Variants in ABCA13 observed in about 807,000 individuals in gnomAD.
The protein encoded by ABCA13 is ATP binding cassette subfamily A member 13.
A neutral mutation model predicts 478.7 loss-of-function variants in ABCA13; 476 were observed. The ratio of observed to expected loss-of-function variants is 0.99; its 90% CI spans 0.92 to 1.07. The LOEUF (loss-of-function observed/expected upper bound fraction) is 1.07. Ranked by LOEUF, ABCA13 falls within the 50% of genes least tolerant of loss-of-function variation. The probability of loss-of-function intolerance (pLI) is 0.00; values close to 1 mark genes in which losing one functional copy is unlikely to be tolerated. For missense variants in ABCA13, 6,060 were observed against 5,910.6 expected, an observed-to-expected ratio of 1.03 and a Z score of -0.83; for synonymous variants, 2,252 against 2,158.9, an observed-to-expected ratio of 1.04 and a Z score of -1.20.
intron 49 of ABCA13, among the ~76,000 whole-genome samples, chr7:48,506,859 C>T (rs1269925805): frequency 6.6e-6 from 1 of 152,154 alleles, no homozygotes; most frequent in Non-Finnish European, 1.5e-5. Flanking sequence ...TTCTCACTGT[C>T]TTTGTAAAGG....
chr7:48,330,846 G>A (rs530576556), intron 27 of ABCA13, among the ~76,000 whole-genome samples: 34 of 152,156 alleles, frequency 2.2e-4, no homozygotes, highest in African/African-American at 7.9e-4. Flanking sequence ...TCCAAGATGG[G>A]GAGAAAGCAG....
At chr7:48,231,951 T>G (rs1356966140) in intron 7 of ABCA13, among the ~76,000 whole-genome samples, 1 of 152,010 alleles carries the variant, frequency 6.6e-6, no homozygotes, top group Non-Finnish European at 1.5e-5. Flanking sequence ...CGTGAGCCAC[T>G]GCGCCCAACC....
chr7:48,444,765 G>A (rs1371190699), intron 42 of ABCA13, among the ~76,000 whole-genome samples: 2 of 152,024 alleles, frequency 1.3e-5, no homozygotes, highest in Non-Finnish European at 2.9e-5. Flanking sequence ...CCATTCTAAC[G>A]CATCCCAGGT....
chr7:48,314,234 T>G lies in ABCA13; in HGVS notation c.9684T>G (p.Val3228=). The change falls in exon 26 of 62, where the codon GTT becomes GTG. Residue 3228 remains valine (V), a splice_region_variant and synonymous_variant. Transcript: ENST00000435803. ...ALLETLDFQQ[V]SQNVQARSSA... Reference sequence around the variant, plus strand: ...ATTTAGTTTTCTTATTTTCTCAGGTTTCACAAAATGTCCAGGCCAGAAGTT... The same window carrying G: ...ATTTAGTTTTCTTATTTTCTCAGGTGTCACAAAATGTCCAGGCCAGAAGTT... 2 of 1,606,828 alleles carry G rather than the reference T, an allele frequency of 1.2e-6. No individual in the cohort carries two copies. Among genetic ancestry groups the G allele is most frequent in the Middle Eastern group, 1.7e-4 (1 of 6,042 alleles).
At chr7:48,595,513 T>G (rs73094682) in intron 58 of ABCA13, among the ~76,000 whole-genome samples, 2,907 of 152,340 alleles carry the variant, frequency 0.019, 42 homozygotes, top group Middle Eastern at 0.085. Context: ...TTTGCCCTTT[T>G]GCAAGCTAAC....
At chr7:48,232,368 TACA>T (rs988630244) in intron 7 of ABCA13, among the ~76,000 whole-genome samples, 3 of 151,954 alleles carry the variant, frequency 2.0e-5, no homozygotes, top group South Asian at 2.1e-4. Flanking sequence ...TCATCCAAAT[TACA>T]ACAACAAATT....
rs35914499 is a variant in ABCA13 at position 48,278,176 on chromosome 7, A to AT, written c.6988dup (p.Ser2330PhefsTer25). ...GATGATACAAGACAGATTGATGAAC[A>AT]TTTTTTCAAGTTTAAAGGAGACTAT... On this transcript the variant is annotated frameshift_variant, in exon 18 of 62. Coordinates refer to ENST00000435803, the MANE Select transcript of ABCA13 (RefSeq NM_152701.5). LOFTEE classifies it high-confidence loss of function. 3.9e-5 allele frequency: 61 copies of AT among 1,564,940 alleles called. No homozygotes were observed. The highest frequency in any genetic ancestry group is 5.2e-5 in the Non-Finnish European group (60 of 1,154,362).
rs768904595 is a variant in ABCA13, at chr7:48,387,841, A to G, written c.11355A>G (p.Lys3785=). The G allele has an allele frequency of 1.3e-6, 2 of 1,587,294 alleles. No individual in the cohort carries two copies. The highest frequency in any genetic ancestry group is 2.7e-5 in the African/African-American group (2 of 73,314). The part of the protein sequence containing the change: ...NLIPGTFGLR[K]PWYFPFTASY... ...TTTTAGGAACATTTGGTTTACGGAAACCATGGTATTTCCCCTTTACTGCCT... is the reference window on the plus strand; with the variant it reads ...TTTTAGGAACATTTGGTTTACGGAAGCCATGGTATTTCCCCTTTACTGCCT... Residue 3785 remains lysine, a synonymous_variant, in exon 36 of 62, where the codon AAA becomes AAG. Transcript: ENST00000435803.
intron 42 of ABCA13, among the ~76,000 whole-genome samples, chr7:48,445,752 A>G (rs1824210171): frequency 6.6e-6 from 1 of 152,108 alleles, no homozygotes. Context: ...TGCCCAGTGA[A>G]AGAATGCAAA....
intron 59 of ABCA13, among the ~76,000 whole-genome samples, chr7:48,636,572 C>T (rs926050812): frequency 1.3e-5 from 2 of 152,206 alleles, no homozygotes; most frequent in African/African-American, 4.8e-5. Flanking sequence ...GTTTTTGAGC[C>T]TGTGCAGTCC....
chr7:48,604,564 G>A (rs1791267208), intron 58 of ABCA13, among the ~76,000 whole-genome samples: 1 of 152,296 alleles, frequency 6.6e-6, no homozygotes, highest in South Asian at 2.1e-4. Flanking sequence ...TTAATCCTGA[G>A]TTCTAATTTG....
intron 33 of ABCA13, among the ~76,000 whole-genome samples, chr7:48,373,931 A>T (rs1813052322): frequency 6.6e-6 from 1 of 152,190 alleles, no homozygotes; most frequent in Non-Finnish European, 1.5e-5. Context: ...TTTCTTCAAT[A>T]CACCTTCTTT....
At chr7:48,419,110 A>G (rs967455420) in intron 41 of ABCA13, among the ~76,000 whole-genome samples, 4 of 152,120 alleles carry the variant, frequency 2.6e-5, no homozygotes, top group African/African-American at 7.2e-5. Context: ...CTCACTCGCT[A>G]TACACTACCA....
chr7:48,323,192 C>T (rs375774721), intron 27 of ABCA13, among the ~76,000 whole-genome samples: 5 of 152,154 alleles, frequency 3.3e-5, no homozygotes, highest in Admixed American at 1.3e-4. Context: ...GACTTACAGG[C>T]GTACTTGTTT....
intron 27 of ABCA13, among the ~76,000 whole-genome samples, chr7:48,322,197 C>G (rs137999573): frequency 6.6e-6 from 1 of 152,252 alleles, no homozygotes; most frequent in African/African-American, 2.4e-5. Context: ...AGAGCAGGTC[C>G]CATAAAATGG....
chr7:48,576,173 A>G (rs1788158101), intron 55 of ABCA13, among the ~76,000 whole-genome samples: 1 of 152,152 alleles, frequency 6.6e-6, no homozygotes, highest in South Asian at 2.1e-4. Flanking sequence ...GATTTTTAGT[A>G]TCCAAAGGGA....
At chr7:48,234,355 T>A in intron 8 of ABCA13, 2 of 641,678 alleles carry the variant, frequency 3.1e-6, no homozygotes, top group Non-Finnish European at 5.5e-6. Context: ...ACCATGTAGT[T>A]TTATCCCAGA....
chr7:48,249,552 T>C (rs1311599020), intron 15 of ABCA13, among the ~76,000 whole-genome samples: 2 of 152,208 alleles, frequency 1.3e-5, no homozygotes, highest in Non-Finnish European at 2.9e-5. Context: ...CTGGTTTGAC[T>C]GAGCTACATT....
At chr7:48,494,143 A>G (rs1830069540) in intron 48 of ABCA13, among the ~76,000 whole-genome samples, 1 of 152,282 alleles carries the variant, frequency 6.6e-6, no homozygotes, top group African/African-American at 2.4e-5. Context: ...GTATGCTGCA[A>G]ACCCCAGGGA....
Sources: allele counts gnomAD v4.1 joint callset (sites outside exome capture counted in the v4.1 genomes callset), GRCh38; gene constraint gnomAD v4.1.1; transcripts MANE v1.5; gene names NCBI Gene and HGNC (gene_info 2026-07-23, HGNC 2026-07-21).